The following PDZRN4 variants were observed in gnomAD, a reference collection of about 807,000 sequenced individuals.
PDZRN4 encodes the protein PDZ domain containing ring finger 4.
Under a neutral mutation model 99.0 loss-of-function variants are expected in PDZRN4, and 70 were observed. The observed-to-expected ratio is 0.71, with a 90% CI of 0.58 to 0.86. PDZRN4 has a LOEUF of 0.86. Ranked by LOEUF, PDZRN4 falls within the 40% of genes least tolerant of loss-of-function variation. PDZRN4 has a pLI of 0.00. For synonymous variants in PDZRN4, 551 were observed against 501.6 expected (o/e 1.10, Z -1.32); for missense variants, 1,474 against 1,331.2 (o/e 1.11, Z -1.67).
chr12:41,475,247 A>G (rs567260880), intron 3 of PDZRN4, among the ~76,000 whole-genome samples: 6 of 152,334 alleles, frequency 3.9e-5, no homozygotes, highest in African/African-American at 1.4e-4. Flanking sequence ...TCTTGAGTCT[A>G]TAAGGAAAAT....
chr12:41,396,893 A>T (rs12366677), intron 3 of PDZRN4, among the ~76,000 whole-genome samples: 13,709 of 152,242 alleles, frequency 0.09, 809 homozygotes, highest in Non-Finnish European at 0.13. Context: ...TAAAAGATTA[A>T]GTGTGTGCAC....
At chr12:41,341,720 A>T (rs1292288509) in intron 3 of PDZRN4, among the ~76,000 whole-genome samples, 2 of 151,888 alleles carry the variant, frequency 1.3e-5, no homozygotes, top group Non-Finnish European at 2.9e-5. Context: ...AAATGAAAAG[A>T]TAGATTTTGT....
chr12:41,476,712 A>G (rs1378004807), intron 3 of PDZRN4, among the ~76,000 whole-genome samples: 1 of 152,210 alleles, frequency 6.6e-6, no homozygotes, highest in Non-Finnish European at 1.5e-5. Context: ...TGATAGTGAA[A>G]GGAAATTGAC....
chr12:41,230,937 C>G (rs1262545276), intron 3 of PDZRN4, among the ~76,000 whole-genome samples: 2 of 151,998 alleles, frequency 1.3e-5, no homozygotes, highest in African/African-American at 4.8e-5. Context: ...ACAATATACT[C>G]TTTGTTTTGT....
intron 3 of PDZRN4, among the ~76,000 whole-genome samples, chr12:41,353,247 T>G (rs2121043649): frequency 6.6e-6 from 1 of 152,228 alleles, no homozygotes; most frequent in East Asian, 1.9e-4. Flanking sequence ...TTTTATTAGT[T>G]AATCCTAGAA....
chr12:41,370,232 T>C (rs1405557112), intron 3 of PDZRN4, among the ~76,000 whole-genome samples: 1 of 151,980 alleles, frequency 6.6e-6, no homozygotes, highest in African/African-American at 2.4e-5. Flanking sequence ...AATTTTCTTC[T>C]TAATGACTAA....
chr12:41,453,492 G>A (rs1297911551), intron 3 of PDZRN4, among the ~76,000 whole-genome samples: 1 of 152,210 alleles, frequency 6.6e-6, no homozygotes, highest in South Asian at 2.1e-4. Flanking sequence ...GCGGACATGT[G>A]ATAAATTGTG....
chr12:41,363,100 T>C (rs1224652940), intron 3 of PDZRN4, among the ~76,000 whole-genome samples: 3 of 152,078 alleles, frequency 2.0e-5, no homozygotes. Flanking sequence ...TGGCAACAGC[T>C]GTCTTATCTA....
chr12:41,344,192 A>C (rs1272586549), intron 3 of PDZRN4, among the ~76,000 whole-genome samples: 2 of 152,046 alleles, frequency 1.3e-5, no homozygotes, highest in East Asian at 3.9e-4. Flanking sequence ...TTTTATCTTA[A>C]ATTATATTTT....
intron 3 of PDZRN4, among the ~76,000 whole-genome samples, chr12:41,301,266 A>G (rs1415289796): frequency 6.6e-6 from 1 of 152,020 alleles, no homozygotes; most frequent in Non-Finnish European, 1.5e-5. Context: ...TCTTCCAGAT[A>G]CGCACTGTGA....
At chr12:41,382,148 G>A (rs887970109) in intron 3 of PDZRN4, among the ~76,000 whole-genome samples, 12 of 152,188 alleles carry the variant, frequency 7.9e-5, no homozygotes, top group African/African-American at 1.9e-4. Flanking sequence ...ATTGGACTGA[G>A]CTTCAGAATG....
chr12:41,437,996 C>T (rs763585484), intron 3 of PDZRN4: 19 of 1,614,118 alleles, frequency 1.2e-5, no homozygotes, highest in Non-Finnish European at 1.6e-5. Flanking sequence ...CTACAAACTG[C>T]TGTATGAAGT....
At chr12:41,256,346 T>C (rs1035791644) in intron 3 of PDZRN4, among the ~76,000 whole-genome samples, 4 of 152,126 alleles carry the variant, frequency 2.6e-5, no homozygotes, top group African/African-American at 9.7e-5. Context: ...ATATTTAAGA[T>C]TGTTTGCTCA....
rs1324740612 is a variant in PDZRN4, at chr12:41,504,150, C to T, written c.844-2306C>T. Among the ~76,000 whole-genome samples, 5 of 151,940 alleles carry T rather than the reference C, an allele frequency of 3.3e-5. No homozygotes were observed. The East Asian group carries it at 9.7e-4, about 29-fold the overall frequency. Reference sequence around the variant, plus strand: ...CTGGCATGGTGGCATGCGCCTGTTACCCCAGCTACTTGGGTGGCTGAGGCA... The same window carrying T: ...CTGGCATGGTGGCATGCGCCTGTTATCCCAGCTACTTGGGTGGCTGAGGCA... On this transcript the variant is annotated intron_variant, in intron 3 of 9. Coordinates refer to ENST00000402685, the MANE Select transcript of PDZRN4 (RefSeq NM_001164595.2).
chr12:41,329,121 G>A (rs779713023), intron 3 of PDZRN4, among the ~76,000 whole-genome samples: 13 of 152,068 alleles, frequency 8.5e-5, no homozygotes, highest in East Asian at 3.9e-4. Flanking sequence ...GGTTAGAATC[G>A]TATTGCATCT....
At chr12:41,302,960 ACACT>A (rs979644601) in intron 3 of PDZRN4, among the ~76,000 whole-genome samples, 11 of 138,046 alleles carry the variant, frequency 8.0e-5, no homozygotes, top group African/African-American at 2.5e-4. Context: ...ACACACACAC[ACACT>A]CACACACACA....
At chr12:41,208,438 A>G (rs1950865040) in intron 3 of PDZRN4, among the ~76,000 whole-genome samples, 1 of 151,910 alleles carries the variant, frequency 6.6e-6, no homozygotes, top group African/African-American at 2.4e-5. Flanking sequence ...GGGATTTTTC[A>G]GTAATATTTG....
rs564104176 is a variant in PDZRN4, at chr12:41,246,997, C to G, written c.843+52809C>G. Reference sequence around the variant, plus strand: ...TTCAGGAATTTCTATGTCATTCATCCATCCCTTTCTTCCTTTTTTTTTCTT... The same window carrying G: ...TTCAGGAATTTCTATGTCATTCATCGATCCCTTTCTTCCTTTTTTTTTCTT... On this transcript the variant is annotated intron_variant, in intron 3 of 9. Transcript: ENST00000402685. Among the ~76,000 whole-genome samples, 7 of 152,182 alleles carry G rather than the reference C, an allele frequency of 4.6e-5. No individual in the cohort carries two copies. The South Asian group carries it at 1.5e-3, about 32-fold the overall frequency.
At chr12:41,462,975 C>A (rs2608709) in intron 3 of PDZRN4, among the ~76,000 whole-genome samples, 2 of 151,956 alleles carry the variant, frequency 1.3e-5, no homozygotes, top group African/African-American at 2.4e-5. Context: ...ATATCTGACC[C>A]CTGAGATTGC....
Sources: gnomAD v4.1 joint callset for allele counts (sites outside exome capture counted in the v4.1 genomes callset) on GRCh38, gnomAD v4.1.1 for gene constraint, MANE v1.5 for transcripts, NCBI Gene and HGNC (gene_info 2026-07-23, HGNC 2026-07-21) for gene names.